The following PCDHGB4 variants were observed in gnomAD, a reference collection of about 807,000 sequenced individuals.
The protein encoded by PCDHGB4 is protocadherin gamma-B4.
Under a neutral mutation model 60.5 loss-of-function variants are expected in PCDHGB4, and 38 were observed. The observed-to-expected ratio is 0.63, with a 90% CI of 0.48 to 0.82. The LOEUF (loss-of-function observed/expected upper bound fraction) is 0.82, where lower values mean the gene tolerates loss of function less well. Ranked by LOEUF, PCDHGB4 falls within the 40% of genes least tolerant of loss-of-function variation. PCDHGB4 has a pLI of 0.00. For synonymous variants in PCDHGB4, 456 were observed against 509.7 expected, an observed-to-expected ratio of 0.89 and a Z score of 1.42; for missense variants, 1,109 against 1,209.6, an observed-to-expected ratio of 0.92 and a Z score of 1.23.
intron 1 of PCDHGB4, chr5:141,419,357 AC>A (rs1185938270): frequency 3.7e-6 from 6 of 1,613,814 alleles, no homozygotes; most frequent in Non-Finnish European, 4.2e-6. Context: ...GGAGTCACGA[AC>A]GCTGTCGTCC....
At chr5:141,452,858 T>C (rs904455495) in intron 1 of PCDHGB4, among the ~76,000 whole-genome samples, 1 of 152,202 alleles carries the variant, frequency 6.6e-6, no homozygotes. Flanking sequence ...GGGGAGATGA[T>C]TTTCTAACTC....
rs748803155 is a variant in PCDHGB4, at chr5:141,490,087, G to A, written c.2398-4720G>A. On this transcript the variant is annotated intron_variant, in intron 1 of 3. Coordinates refer to ENST00000519479, the MANE Select transcript of PCDHGB4 (RefSeq NM_003736.4). The surrounding 1 kb of genome is among the most constrained non-coding windows in gnomAD (Gnocchi z 5.4). ...CGGCCAACTAGACTATTCTTTTGGA[G>A]ACCACACATCTGAGGCAGTGCGGAA... 2.5e-6 allele frequency: 4 copies of A among 1,614,244 alleles called. No homozygotes were observed. The highest frequency in any genetic ancestry group is 1.3e-5 in the African/African-American group (1 of 75,068).
intron 1 of PCDHGB4, chr5:141,413,063 T>G: frequency 1.8e-6 from 2 of 1,142,610 alleles, no homozygotes; most frequent in East Asian, 5.1e-5. Context: ...CACTCCAGAA[T>G]TTAAAGTGCC....
intron 1 of PCDHGB4, chr5:141,478,935 A>G: frequency 1.6e-6 from 1 of 638,574 alleles, no homozygotes. Flanking sequence ...GGCAGCTTCT[A>G]GGAATACAAA....
In PCDHGB4 at chr5:141,489,242, TG is replaced by T; in HGVS notation, c.2398-5561del. 6.5e-7 allele frequency: 1 copy of T among 1,534,498 alleles called. No homozygotes were observed. The highest frequency in any genetic ancestry group is 2.3e-5 in the East Asian group (1 of 44,312). On this transcript the variant is annotated intron_variant, in intron 1 of 3. Transcript: ENST00000519479. The surrounding 1 kb of genome is among the most constrained non-coding windows in gnomAD (Gnocchi z 4.5). ...TCTCCACAAAGGGACTTCTGGGTCA[TG>T]GGGCCCAAGACACTCCCACAGCTCG...
intron 1 of PCDHGB4, among the ~76,000 whole-genome samples, chr5:141,402,647 A>C (rs2094289901): frequency 6.6e-6 from 1 of 152,250 alleles, no homozygotes; most frequent in Non-Finnish European, 1.5e-5. Flanking sequence ...TCATAATTAG[A>C]AGAGAGTAGT....
rs112156044 is a variant in PCDHGB4, at chr5:141,476,771, G to A, written c.2398-18036G>A. The A allele has an allele frequency of 6.2e-7, 1 of 1,613,700 alleles. No homozygotes were observed. The highest frequency in any genetic ancestry group is 1.3e-5 in the African/African-American group (1 of 75,036). On this transcript the variant is annotated intron_variant, in intron 1 of 3. Coordinates refer to ENST00000519479, the MANE Select transcript of PCDHGB4 (RefSeq NM_003736.4). The surrounding 1 kb of genome is among the most constrained non-coding windows in gnomAD (Gnocchi z 7.6). ...CCAGTTAGTGCTGACGGCGTTGGAC[G>A]GAGGGACCCCAGCTCTCTCCGCCAG...
chr5:141,403,688 A>T (rs1385402830), intron 1 of PCDHGB4: 1 of 1,613,836 alleles, frequency 6.2e-7, no homozygotes, highest in Non-Finnish European at 8.5e-7. Flanking sequence ...TGCTCAACGG[A>T]TTTACCGAGT....
Position 141,490,162 on chromosome 5 carries a change from A to C in PCDHGB4, c.2398-4645A>C. ...TGGGGCAATCCATGTGTTGGGTCCC[A>C]TAGACTTTGAGGAGTCACGTTTCTA... On this transcript the variant is annotated intron_variant, in intron 1 of 3. Coordinates refer to ENST00000519479, the MANE Select transcript of PCDHGB4 (RefSeq NM_003736.4). The surrounding 1 kb of genome is among the most constrained non-coding windows in gnomAD (Gnocchi z 5.4). The C allele has an allele frequency of 6.2e-7, 1 of 1,614,218 alleles. No individual in the cohort carries two copies. The highest frequency in any genetic ancestry group is 8.5e-7 in the Non-Finnish European group (1 of 1,180,028).
At chr5:141,495,175 C>T (rs1337353259) in intron 2 of PCDHGB4, among the ~76,000 whole-genome samples, 1 of 152,182 alleles carries the variant, frequency 6.6e-6, no homozygotes, top group Admixed American at 6.5e-5. Context: ...TGGGTGAAAG[C>T]GAGGCTTTCT....
At chr5:141,410,006 G>T (rs1201569227) in intron 1 of PCDHGB4, 8 of 1,613,274 alleles carry the variant, frequency 5.0e-6, no homozygotes, top group Non-Finnish European at 5.1e-6. Context: ...GGGACACAAC[G>T]CCTGGCTGTC....
intron 1 of PCDHGB4, chr5:141,426,432 C>A (rs1239073805): frequency 1.0e-5 from 3 of 295,812 alleles, no homozygotes; most frequent in South Asian, 3.3e-5. Flanking sequence ...TGGTGGGGAA[C>A]CTTGCGGAGG....
chr5:141,462,393 C>A (rs1465154354), intron 1 of PCDHGB4, among the ~76,000 whole-genome samples: 4 of 152,062 alleles, frequency 2.6e-5, no homozygotes, highest in African/African-American at 9.7e-5. Flanking sequence ...GTTAACATTT[C>A]TTTTATGGCA....
rs1386912520 is a variant in PCDHGB4 at position 141,505,425 on chromosome 5, C to T, written c.2489C>T (p.Pro830Leu). 1.2e-6 allele frequency: 2 copies of T among 1,614,060 alleles called. No individual in the cohort carries two copies. The highest frequency in any genetic ancestry group is 1.7e-6 in the Non-Finnish European group (2 of 1,180,022). The change falls in exon 3 of 4, where the codon CCC becomes CTC. Residue 830 changes from proline to leucine, a missense_variant. Physicochemically the swap from Pro to Leu is moderately conservative, Grantham distance 98 (BLOSUM62 -3). Around this residue, in one of 2 missense-constraint regions of PCDHGB4, gnomAD observed 1,068 missense variants for 1,089.9 expected, o/e 0.98. Transcript: ENST00000519479. ...AATGGCGATGACACCGGCACCTGGC[C>T]CAACAACCAGTTTGACACAGAGATG... ...SQNGDDTGTW[P>L]NNQFDTEMLQ... is the part of the protein sequence containing the mutation.
At chr5:141,418,966 C>T (rs754269610) in intron 1 of PCDHGB4, 44 of 1,613,892 alleles carry the variant, frequency 2.7e-5, no homozygotes, top group Non-Finnish European at 3.6e-5. Flanking sequence ...TTGCCCTCTT[C>T]AAAACACGGG....
At chr5:141,465,152 G>C (rs1028596804) in intron 1 of PCDHGB4, among the ~76,000 whole-genome samples, 1 of 151,422 alleles carries the variant, frequency 6.6e-6, no homozygotes, top group African/African-American at 2.4e-5. Flanking sequence ...TATATGAAGG[G>C]ACTCTAAATG....
In PCDHGB4 at chr5:141,432,512, G is replaced by A. The variant is rs751785850; in HGVS notation, c.2397+42231G>A. ...GCTGGCTCCCCGCTCCGCAGAGCCC[G>A]GCTACCTGGTGACCAAGGTGGTGGC... On this transcript the variant is annotated intron_variant, in intron 1 of 3. Transcript: ENST00000519479. The surrounding 1 kb of genome is among the most constrained non-coding windows in gnomAD (Gnocchi z 6.0). 3 of 1,614,108 alleles carry A rather than the reference G, an allele frequency of 1.9e-6. No homozygotes were observed. Among genetic ancestry groups the A allele is most frequent in the Non-Finnish European group, 2.5e-6 (3 of 1,180,030 alleles).
intron 3 of PCDHGB4, among the ~76,000 whole-genome samples, chr5:141,506,943 T>A (rs2099857373): frequency 6.6e-6 from 1 of 152,192 alleles, no homozygotes; most frequent in South Asian, 2.1e-4. Context: ...GGGCCTCCTG[T>A]CAATGAATCC....
intron 1 of PCDHGB4, chr5:141,419,541 G>A: frequency 6.2e-7 from 1 of 1,612,076 alleles, no homozygotes; most frequent in Non-Finnish European, 8.5e-7. Context: ...AACGCACCGC[G>A]GGTGCTGTAC....
Sources: gnomAD v4.1 joint callset for allele counts (sites outside exome capture counted in the v4.1 genomes callset) on GRCh38, gnomAD v4.1.1 for gene constraint, gnomAD v4.1.1 regional missense constraint, Gnocchi (gnomAD v3.1) non-coding constraint, MANE v1.5 for transcripts, NCBI Gene and HGNC (gene_info 2026-07-23, HGNC 2026-07-21) for gene names.